Variants in GRIK2 observed in about 807,000 individuals in gnomAD.
GRIK2 encodes glutamate receptor ionotropic, kainate 2.
Under a neutral mutation model 100.3 loss-of-function variants are expected in GRIK2, and 32 were observed. The ratio of observed to expected loss-of-function variants is 0.32; its 90% CI spans 0.24 to 0.43. GRIK2 has a LOEUF of 0.43. Ranked by LOEUF, GRIK2 falls within the 20% of genes least tolerant of loss-of-function variation. The pLI is 1.00. For missense variants in GRIK2, 843 were observed against 1,114.9 expected (o/e 0.76, Z 3.47); for synonymous variants, 417 against 389.4 (o/e 1.07, Z -0.83).
At chr6:101,491,274 G>GA (rs11392415) in intron 2 of GRIK2, among the ~76,000 whole-genome samples, 87,318 of 139,922 alleles carry the variant, frequency 0.62, 27,742 homozygotes, top group East Asian at 0.82. Flanking sequence ...GAGAAAAAAA[G>GA]AAAAAAAAAA....
intron 12 of GRIK2, among the ~76,000 whole-genome samples, chr6:101,921,295 G>A (rs1359367991): frequency 6.6e-6 from 1 of 151,628 alleles, no homozygotes; most frequent in African/African-American, 2.4e-5. Context: ...AGTAAAAATT[G>A]TGAATTAATA....
chr6:101,933,001 C>T (rs2852586), intron 14 of GRIK2, among the ~76,000 whole-genome samples: 5,213 of 151,976 alleles, frequency 0.034, 315 homozygotes, highest in African/African-American at 0.12. Context: ...AAGCCACACA[C>T]GCCGTTCTTT....
intron 7 of GRIK2, among the ~76,000 whole-genome samples, chr6:101,773,428 C>T (rs186857410): frequency 3.9e-4 from 57 of 145,702 alleles, no homozygotes; most frequent in African/African-American, 1.2e-3. Flanking sequence ...TGCAGTGAGC[C>T]GAGATCGTGC....
chr6:101,612,416 G>A (rs977706077), intron 2 of GRIK2, among the ~76,000 whole-genome samples: 2 of 151,798 alleles, frequency 1.3e-5, no homozygotes, highest in African/African-American at 4.8e-5. Flanking sequence ...TTTTATTAAT[G>A]TTTGTAAAAT....
intron 4 of GRIK2, among the ~76,000 whole-genome samples, chr6:101,640,132 T>C (rs941704064): frequency 6.6e-6 from 1 of 152,204 alleles, no homozygotes; most frequent in East Asian, 1.9e-4. Context: ...TTAAATTTAA[T>C]TCATAACACA....
At chr6:101,862,271 A>T (rs1191792225) in intron 11 of GRIK2, among the ~76,000 whole-genome samples, 2 of 152,220 alleles carry the variant, frequency 1.3e-5, no homozygotes, top group Middle Eastern at 3.4e-3. Context: ...ATTCCCAAGA[A>T]TTTTTAACTT....
chr6:101,661,659 T>C (rs1467075726), intron 4 of GRIK2, among the ~76,000 whole-genome samples: 3 of 152,072 alleles, frequency 2.0e-5, no homozygotes, highest in African/African-American at 7.2e-5. Flanking sequence ...GGGAAAAGCA[T>C]AGTATCTTGG....
chr6:101,407,351 C>G (rs1775647011), intron 2 of GRIK2, among the ~76,000 whole-genome samples: 1 of 152,012 alleles, frequency 6.6e-6, no homozygotes, highest in South Asian at 2.1e-4. Flanking sequence ...GGTGAATTGC[C>G]AAGGACAGTT....
At chr6:101,892,674 C>A (rs1338472916) in intron 12 of GRIK2, among the ~76,000 whole-genome samples, 2 of 151,788 alleles carry the variant, frequency 1.3e-5, no homozygotes, top group Non-Finnish European at 2.9e-5. Context: ...AAGTTTAAAT[C>A]ATCATTTATG....
intron 4 of GRIK2, among the ~76,000 whole-genome samples, chr6:101,662,630 A>G (rs1390934839): frequency 1.3e-5 from 2 of 151,806 alleles, no homozygotes; most frequent in Non-Finnish European, 2.9e-5. Context: ...TTAACTTTTT[A>G]TGTTCTCATA....
intron 14 of GRIK2, among the ~76,000 whole-genome samples, chr6:101,942,230 T>C (rs1791000060): frequency 6.6e-6 from 1 of 152,170 alleles, no homozygotes; most frequent in Non-Finnish European, 1.5e-5. Flanking sequence ...AGCGGCCTGA[T>C]GGGAGATGAC....
At position 101,899,197 on chromosome 6, in the gene GRIK2, C is replaced by T. The variant is rs556349378; in HGVS notation, c.1748+9334C>T. On this transcript the variant is annotated intron_variant, in intron 12 of 16. Coordinates refer to ENST00000369134, the MANE Select transcript of GRIK2 (RefSeq NM_021956.5). ...TAGAAATATCTTGGTTGATCTATTT[C>T]GTATATAAATATAATTAGTAAAACA... 8.4e-4 allele frequency among the ~76,000 whole-genome samples: 126 copies of T among 149,320 alleles called. 1 individual carries two copies. The highest frequency in any genetic ancestry group is 2.7e-3 in the African/African-American group (110 of 40,812).
intron 4 of GRIK2, among the ~76,000 whole-genome samples, chr6:101,650,643 C>T (rs1781741483): frequency 1.3e-5 from 2 of 152,236 alleles, no homozygotes; most frequent in South Asian, 2.1e-4. Context: ...TCCCTCTTTG[C>T]TCCATTAGAA....
At chr6:101,968,299 A>T (rs1041435326) in intron 14 of GRIK2, among the ~76,000 whole-genome samples, 5 of 152,096 alleles carry the variant, frequency 3.3e-5, no homozygotes, top group African/African-American at 1.2e-4. Flanking sequence ...AAAGCTTTTT[A>T]AAACCCTTTA....
chr6:101,857,009 A>T (rs191042851), intron 10 of GRIK2, among the ~76,000 whole-genome samples: 1 of 152,296 alleles, frequency 6.6e-6, no homozygotes, highest in Admixed American at 6.5e-5. Flanking sequence ...CTACTTAATA[A>T]AACTTTTGAA....
intron 2 of GRIK2, among the ~76,000 whole-genome samples, chr6:101,406,989 C>T (rs994862531): frequency 6.6e-6 from 1 of 152,028 alleles, no homozygotes; most frequent in African/African-American, 2.4e-5. Flanking sequence ...TTTGTGTCTC[C>T]AGCTCAGTCT....
At chr6:101,806,690 T>C (rs1368280652) in intron 9 of GRIK2, among the ~76,000 whole-genome samples, 5 of 151,138 alleles carry the variant, frequency 3.3e-5, no homozygotes, top group Non-Finnish European at 7.4e-5. Flanking sequence ...CATAGAGTAA[T>C]AGAAACAGTT....
intron 2 of GRIK2, among the ~76,000 whole-genome samples, chr6:101,455,340 A>G (rs1770943306): frequency 1.3e-5 from 2 of 152,192 alleles, no homozygotes; most frequent in South Asian, 4.1e-4. Context: ...GCAAAATGCC[A>G]TAATTCAAAA....
intron 11 of GRIK2, among the ~76,000 whole-genome samples, chr6:101,877,663 C>T (rs761899716): frequency 6.6e-6 from 1 of 151,778 alleles, no homozygotes; most frequent in Non-Finnish European, 1.5e-5. Context: ...TTTGAATAGA[C>T]TAAGATTCAG....
Sources: allele counts gnomAD v4.1 joint callset (sites outside exome capture counted in the v4.1 genomes callset), GRCh38; gene constraint gnomAD v4.1.1; transcripts MANE v1.5; gene names NCBI Gene and HGNC (gene_info 2026-07-23, HGNC 2026-07-21).